SETBP1: variants seen among roughly 807,000 people sequenced by gnomAD.
The protein encoded by SETBP1 is SET-binding protein.
SETBP1 carries 9 observed loss-of-function variants against 101.0 expected under a neutral mutation model. The ratio of observed to expected loss-of-function variants is 0.09; its 90% CI spans 0.05 to 0.16. SETBP1 has a LOEUF of 0.16. SETBP1 is among the 10% of genes least tolerant of loss of function. The pLI is 1.00. For missense variants in SETBP1, 1,858 were observed against 2,033.8 expected (o/e 0.91, Z 1.66); for synonymous variants, 818 against 788.5 (o/e 1.04, Z -0.63).
chr18:44,775,395 G>T (rs1180931868), intron 2 of SETBP1, among the ~76,000 whole-genome samples: 1 of 152,186 alleles, frequency 6.6e-6, no homozygotes, highest in African/African-American at 2.4e-5. Context: ...AGGCAGGAAG[G>T]TTTCCAGGGA....
At chr18:44,997,084 A>G (rs553910781) in intron 4 of SETBP1, among the ~76,000 whole-genome samples, 1 of 152,252 alleles carries the variant, frequency 6.6e-6, no homozygotes, top group African/African-American at 2.4e-5. Context: ...AGAGTTTTGG[A>G]CTAAGAGAGT....
At chr18:44,948,390 C>G (rs1406269087) in intron 3 of SETBP1, among the ~76,000 whole-genome samples, 2 of 152,064 alleles carry the variant, frequency 1.3e-5, no homozygotes, top group Non-Finnish European at 2.9e-5. Flanking sequence ...TGCTTTATGC[C>G]ATCTGTGTTT....
chr18:44,774,571 A>G (rs1254900572), intron 2 of SETBP1, among the ~76,000 whole-genome samples: 1 of 152,156 alleles, frequency 6.6e-6, no homozygotes, highest in African/African-American at 2.4e-5. Flanking sequence ...GACTGGCAAG[A>G]GTTGTCATGT....
At chr18:44,723,562 A>C (rs746422188) in intron 2 of SETBP1, among the ~76,000 whole-genome samples, 10 of 152,232 alleles carry the variant, frequency 6.6e-5, no homozygotes, top group Non-Finnish European at 1.3e-4. Context: ...AAAATGAGAC[A>C]GGAGACTGAA....
chr18:44,947,170 TAA>T (rs1300155170), intron 3 of SETBP1, among the ~76,000 whole-genome samples: 3 of 152,158 alleles, frequency 2.0e-5, no homozygotes, highest in Non-Finnish European at 4.4e-5. Context: ...GCAACAAAGA[TAA>T]GTTACATGGT....
At chr18:44,875,644 T>G (rs1407823111) in intron 3 of SETBP1, among the ~76,000 whole-genome samples, 1 of 152,140 alleles carries the variant, frequency 6.6e-6, no homozygotes. Flanking sequence ...ACCCTGCTTT[T>G]GGCTCAATAC....
intron 4 of SETBP1, among the ~76,000 whole-genome samples, chr18:44,976,432 C>G (rs1040538150): frequency 2.6e-5 from 4 of 152,204 alleles, no homozygotes; most frequent in African/African-American, 4.8e-5. Context: ...TTTGCATGGT[C>G]TGGTGTAAAC....
intron 2 of SETBP1, among the ~76,000 whole-genome samples, chr18:44,810,395 A>C (rs1282222051): frequency 6.6e-6 from 1 of 152,238 alleles, no homozygotes. Context: ...AAAGTGCTCT[A>C]GAATCCCTTA....
chr18:44,685,610 A>G (rs1250291816), intron 1 of SETBP1, among the ~76,000 whole-genome samples: 4 of 152,192 alleles, frequency 2.6e-5, no homozygotes, highest in African/African-American at 9.7e-5. Context: ...GAACCTAATC[A>G]GTAAAATAAA....
intron 3 of SETBP1, among the ~76,000 whole-genome samples, chr18:44,913,835 T>C (rs897109188): frequency 3.9e-5 from 6 of 152,246 alleles, no homozygotes; most frequent in African/African-American, 1.2e-4. Context: ...GCTGATGCCA[T>C]AACATGGCTG....
chr18:44,708,961 C>G (rs1183636224), intron 2 of SETBP1, among the ~76,000 whole-genome samples: 1 of 152,160 alleles, frequency 6.6e-6, no homozygotes, highest in South Asian at 2.1e-4. Context: ...CCTTTTAGCC[C>G]GAAATGTCAA....
intron 5 of SETBP1, 48 bp from the exon 6 acceptor site, chr18:45,063,031 G>T: frequency 6.2e-7 from 1 of 1,611,212 alleles, no homozygotes; most frequent in Non-Finnish European, 8.5e-7. Flanking sequence ...CTGAGTTGAA[G>T]GCACCTTGCA....
chr18:44,723,740 C>A (rs896206861), intron 2 of SETBP1, among the ~76,000 whole-genome samples: 6 of 152,074 alleles, frequency 3.9e-5, no homozygotes, highest in Non-Finnish European at 7.4e-5. Context: ...CCTGTGCATG[C>A]AGCATTCAGA....
chr18:44,782,203 C>T (rs1599119148), intron 2 of SETBP1, among the ~76,000 whole-genome samples: 1 of 152,238 alleles, frequency 6.6e-6, no homozygotes, highest in Non-Finnish European at 1.5e-5. Context: ...GATATGTTTT[C>T]TTCTTTCTCC....
chr18:44,696,377 G>A (rs1342716231), intron 1 of SETBP1, among the ~76,000 whole-genome samples: 8 of 152,204 alleles, frequency 5.3e-5, no homozygotes, highest in Non-Finnish European at 1.5e-5. Flanking sequence ...ACCACTGAGA[G>A]GGCTTGGTAA....
chr18:44,913,035 A>G (rs2070348924), intron 3 of SETBP1, among the ~76,000 whole-genome samples: 2 of 152,186 alleles, frequency 1.3e-5, no homozygotes, highest in South Asian at 4.1e-4. Context: ...TGGAGCTAGG[A>G]AACTGAGTGT....
chr18:45,040,902 G>A (rs2073494893), intron 5 of SETBP1, among the ~76,000 whole-genome samples: 1 of 152,148 alleles, frequency 6.6e-6, no homozygotes, highest in African/African-American at 2.4e-5. Context: ...TGTTGAGCTG[G>A]ACTTTTGGGG....
intron 2 of SETBP1, among the ~76,000 whole-genome samples, chr18:44,794,513 C>A (rs1009546024): frequency 6.6e-6 from 1 of 152,112 alleles, no homozygotes; most frequent in African/African-American, 2.4e-5. Flanking sequence ...AATTCAGAGG[C>A]TCCCAGGGCT....
At chr18:44,870,894 G>T (rs1394348483) in intron 3 of SETBP1, 1 of 152,096 alleles carries the variant, frequency 6.6e-6, no homozygotes, top group Non-Finnish European at 1.5e-5. Flanking sequence ...TTAGATATTA[G>T]ATTTAAACTA....
Sources: allele counts gnomAD v4.1 joint callset (sites outside exome capture counted in the v4.1 genomes callset), GRCh38; gene constraint gnomAD v4.1.1; transcripts MANE v1.5; gene names NCBI Gene and HGNC (gene_info 2026-07-23, HGNC 2026-07-21).